Variants in EMCN observed in about 807,000 individuals in gnomAD.
The protein encoded by EMCN is MUC-14.
In EMCN, 37 loss-of-function variants were observed where a neutral mutation model predicts 38.4. The observed-to-expected ratio is 0.96, with a 90% CI of 0.74 to 1.27. The LOEUF is 1.27. EMCN is among the 50% of genes most tolerant of loss of function. The pLI, the probability that EMCN is intolerant of heterozygous loss-of-function variation, is 0.00. For missense variants in EMCN, 318 were observed against 302.8 expected (o/e 1.05, Z -0.37); for synonymous variants, 95 against 100.8 (o/e 0.94, Z 0.35).
chr4:100,475,031 T>C lies in EMCN; in HGVS notation c.259+7A>G. On this transcript the variant is annotated splice_region_variant and intron_variant, in intron 3 of 11. Coordinates refer to ENST00000296420, the MANE Select transcript of EMCN (RefSeq NM_016242.4). ...TTAAAATTGTAGAAAAATGAATCAT[T>C]ACTCACCTTCATCTTTACTTGTTAA... The C allele has an allele frequency of 1.4e-6, 2 of 1,443,508 alleles. No homozygotes were observed. The highest frequency in any genetic ancestry group is 1.9e-6 in the Non-Finnish European group (2 of 1,054,834). The allele number at this position is 1,443,508 out of a possible 1,614,324, so 89.4% of individuals were successfully genotyped here.
At chr4:100,459,026 T>C (rs777412957) in intron 4 of EMCN, among the ~76,000 whole-genome samples, 7 of 151,598 alleles carry the variant, frequency 4.6e-5, no homozygotes, top group Non-Finnish European at 1.0e-4. Flanking sequence ...GAAAAAAAAA[T>C]CAGTATTAAA....
At chr4:100,406,209 G>T (rs1161452280) in intron 11 of EMCN, among the ~76,000 whole-genome samples, 1 of 151,696 alleles carries the variant, frequency 6.6e-6, no homozygotes, top group Non-Finnish European at 1.5e-5. Context: ...TTGATCTTTT[G>T]CATAGTTCTT....
intron 4 of EMCN, among the ~76,000 whole-genome samples, chr4:100,462,169 A>G (rs1728196460): frequency 6.6e-6 from 1 of 152,180 alleles, no homozygotes; most frequent in Non-Finnish European, 1.5e-5. Flanking sequence ...TTTGTATAAA[A>G]CTTGTTTGTC....
chr4:100,415,863 T>C (rs773728903), intron 10 of EMCN, 35 bp downstream of exon 10: 8 of 1,435,190 alleles, frequency 5.6e-6, no homozygotes, highest in Non-Finnish European at 7.7e-6. Flanking sequence ...CTAAAATAAC[T>C]AATTTTCATC....
At chr4:100,415,124 T>C (rs2110212798) in intron 10 of EMCN, among the ~76,000 whole-genome samples, 1 of 152,286 alleles carries the variant, frequency 6.6e-6, no homozygotes, top group Non-Finnish European at 1.5e-5. Context: ...CTCAAACTCC[T>C]GACCTCAGGT....
intron 1 of EMCN, among the ~76,000 whole-genome samples, chr4:100,497,703 T>C (rs770066302): frequency 1.3e-5 from 2 of 152,192 alleles, no homozygotes; most frequent in African/African-American, 2.4e-5. Flanking sequence ...GAAGAGCAAG[T>C]TGAACTTCAT....
chr4:100,416,795 G>C (rs1726748261), intron 9 of EMCN, among the ~76,000 whole-genome samples: 1 of 152,108 alleles, frequency 6.6e-6, no homozygotes, highest in African/African-American at 2.4e-5. Flanking sequence ...AAATTTCCCT[G>C]TGATAAACAT....
chr4:100,467,522 C>CA (rs1168156799), intron 3 of EMCN, among the ~76,000 whole-genome samples: 163 of 146,958 alleles, frequency 1.1e-3, no homozygotes, highest in Non-Finnish European at 1.4e-3. Context: ...ACTAAAAATA[C>CA]AAAAAAAAAA....
chr4:100,425,125 G>A (rs958155379), intron 5 of EMCN, among the ~76,000 whole-genome samples: 6 of 138,036 alleles, frequency 4.3e-5, no homozygotes, highest in African/African-American at 1.7e-4. Context: ...GCAACCTTCA[G>A]TTAAGAAATT....
chr4:100,409,090 G>A (rs750619506), intron 11 of EMCN, among the ~76,000 whole-genome samples: 33 of 152,292 alleles, frequency 2.2e-4, no homozygotes, highest in Non-Finnish European at 2.9e-4. Context: ...AAATTTCTGA[G>A]TGTCTGTAAC....
intron 4 of EMCN, among the ~76,000 whole-genome samples, chr4:100,464,640 C>T (rs1728266937): frequency 6.6e-6 from 1 of 151,978 alleles, no homozygotes; most frequent in South Asian, 2.1e-4. Flanking sequence ...TCTACATGTA[C>T]TGATTTTACT....
intron 11 of EMCN, among the ~76,000 whole-genome samples, chr4:100,400,353 A>ATTTTTTTTT (rs3214622): frequency 6.8e-6 from 1 of 146,748 alleles, no homozygotes; most frequent in African/African-American, 2.5e-5. Flanking sequence ...CCTAGGCCAC[A>ATTTTTTTTT]TTTTTTTTTT....
At chr4:100,485,294 T>A (rs1341077421) in intron 1 of EMCN, among the ~76,000 whole-genome samples, 2 of 152,154 alleles carry the variant, frequency 1.3e-5, no homozygotes, top group African/African-American at 4.8e-5. Context: ...TGTTTTACAA[T>A]TTTTTGAAAA....
chr4:100,413,385 T>C (rs533748093), intron 10 of EMCN, among the ~76,000 whole-genome samples: 1 of 152,150 alleles, frequency 6.6e-6, no homozygotes, highest in South Asian at 2.1e-4. Context: ...TTTCTACTTA[T>C]TTTTTAGGAA....
chr4:100,436,006 A>AAAGCAATTGCAG (rs1727341928), intron 5 of EMCN, among the ~76,000 whole-genome samples: 4 of 152,218 alleles, frequency 2.6e-5, no homozygotes, highest in Non-Finnish European at 5.9e-5. Context: ...AGCAATTGCA[A>AAAGCAATTGCAG]CAAAAGCAAA....
At chr4:100,475,850 T>C (rs1728632772) in intron 2 of EMCN, among the ~76,000 whole-genome samples, 1 of 151,808 alleles carries the variant, frequency 6.6e-6, no homozygotes, top group South Asian at 2.1e-4. Flanking sequence ...GCTAATTTTT[T>C]TGTATTTTTT....
chr4:100,422,402 G>T (rs1726913574), intron 7 of EMCN, among the ~76,000 whole-genome samples: 1 of 151,902 alleles, frequency 6.6e-6, no homozygotes. Context: ...TATAATAACA[G>T]TTTTGAATAT....
intron 11 of EMCN, among the ~76,000 whole-genome samples, chr4:100,403,586 A>G (rs1726315951): frequency 6.6e-6 from 1 of 151,900 alleles, no homozygotes; most frequent in Non-Finnish European, 1.5e-5. Flanking sequence ...TTTGGTCTGT[A>G]TCTAGTAATG....
chr4:100,497,246 T>TAA (rs749473979), intron 1 of EMCN, among the ~76,000 whole-genome samples: 2,539 of 129,774 alleles, frequency 0.02, 69 homozygotes, highest in African/African-American at 0.066. Context: ...TTGTTACTAT[T>TAA]AAAAAAAAAA....
Sources: allele counts gnomAD v4.1 joint callset (sites outside exome capture counted in the v4.1 genomes callset), GRCh38; gene constraint gnomAD v4.1.1; transcripts MANE v1.5; gene names NCBI Gene and HGNC (gene_info 2026-07-23, HGNC 2026-07-21).